L3MBTL1: variants seen among roughly 807,000 people sequenced by gnomAD.
L3MBTL1 encodes L3MBTL histone methyl-lysine binding protein 1.
Under a neutral mutation model 105.3 loss-of-function variants are expected in L3MBTL1, and 75 were observed. The ratio of observed to expected loss-of-function variants is 0.71; its 90% CI spans 0.59 to 0.86. The LOEUF (loss-of-function observed/expected upper bound fraction) is 0.86, where lower values mean the gene tolerates loss of function less well. L3MBTL1 is among the 40% of genes least tolerant of loss of function. The pLI, the probability that L3MBTL1 is intolerant of heterozygous loss-of-function variation, is 0.00. For synonymous variants in L3MBTL1, 452 were observed against 436.2 expected (o/e 1.04, Z -0.45); for missense variants, 1,069 against 1,126.4 (o/e 0.95, Z 0.73).
At chr20:43,536,362 G>A (rs777905577) in intron 18 of L3MBTL1, 47 bp from the exon 19 acceptor site, 2 of 1,613,400 alleles carry the variant, frequency 1.2e-6, no homozygotes, top group South Asian at 1.1e-5. Flanking sequence ...TCTTGGACTG[G>A]GCCAGACACT....
At chr20:43,544,648 C>A (rs937132772), downstream of L3MBTL1, among the ~76,000 whole-genome samples, 2 of 152,118 alleles carry the variant, frequency 1.3e-5, no homozygotes, top group Non-Finnish European at 2.9e-5. Flanking sequence ...GAACCATATA[C>A]CAGTGGGTTC....
At position 43,530,426 on chromosome 20, in the gene L3MBTL1, C is replaced by A; in HGVS notation, c.1192+7C>A. The A allele has an allele frequency of 6.2e-7, 1 of 1,613,430 alleles. No homozygotes were observed. Among genetic ancestry groups the A allele is most frequent in the Non-Finnish European group, 8.5e-7 (1 of 1,179,692 alleles). On this transcript the variant is annotated splice_region_variant and intron_variant, in intron 10 of 21. Transcript: ENST00000418998. ...AAGCTGCAGCCTCCCAAAGGTAAGG[C>A]CTAGCTGGGTTGGTCACAGTGAGGC...
chr20:43,517,059 A>G (rs2018435624), intron 7 of L3MBTL1, among the ~76,000 whole-genome samples: 1 of 147,718 alleles, frequency 6.8e-6, no homozygotes, highest in African/African-American at 2.5e-5. Context: ...GGCTTCCCAA[A>G]GTTCTGGGAT....
chr20:43,510,512 C>G (rs894351398), intron 1 of L3MBTL1, among the ~76,000 whole-genome samples: 3 of 149,112 alleles, frequency 2.0e-5, no homozygotes, highest in Non-Finnish European at 3.0e-5. Flanking sequence ...TCAAGCAATT[C>G]TCCTGCCTCA....
At chr20:43,520,843 G>T (rs1052588140) in intron 7 of L3MBTL1, among the ~76,000 whole-genome samples, 2 of 152,324 alleles carry the variant, frequency 1.3e-5, no homozygotes, top group African/African-American at 2.4e-5. Context: ...GGATCAGCAT[G>T]CTACTTAAAG....
chr20:43,515,834 CT>C, intron 6 of L3MBTL1: 1 of 493,558 alleles, frequency 2.0e-6, no homozygotes, highest in East Asian at 3.5e-5. Flanking sequence ...TTTTTGTGTA[CT>C]CAGTTTCTCT....
intron 1 of L3MBTL1, among the ~76,000 whole-genome samples, chr20:43,510,208 A>G (rs769867625): frequency 7.1e-4 from 108 of 152,056 alleles, no homozygotes; most frequent in Non-Finnish European, 1.3e-3. Context: ...CATGTTGCCC[A>G]GGCTGGTCTC....
downstream of L3MBTL1, among the ~76,000 whole-genome samples, chr20:43,545,585 G>A (rs1473011168): frequency 6.6e-6 from 1 of 152,184 alleles, no homozygotes; most frequent in Admixed American, 6.5e-5. Context: ...AGGTGCTGGA[G>A]AGAGAATAGA....
In L3MBTL1 at chr20:43,541,859, A is replaced by G; in HGVS notation, c.*731A>G. On this transcript the variant is annotated 3_prime_UTR_variant, in exon 22 of 22. Coordinates refer to ENST00000418998, the MANE Select transcript of L3MBTL1 (RefSeq NM_001377303.1). The stretch of plus-strand genomic sequence containing the variant: ...ACTTTACCTATACAAAATGACTGCT[A>G]TGGTGGGAACACAATAAACACCAGT... The G allele has an allele frequency of 1.0e-6, 1 of 985,438 alleles. No individual in the cohort carries two copies. The highest frequency in any genetic ancestry group is 1.7e-5 in the African/African-American group (1 of 57,370). The allele number at this position is 985,438 out of a possible 1,614,324, so 61.0% of individuals were successfully genotyped here.
chr20:43,514,791 C>T lies in L3MBTL1; in HGVS notation c.502+15C>T, dbSNP rs1382935762. On this transcript the variant is annotated intron_variant, in intron 4 of 21. Coordinates refer to ENST00000418998, the MANE Select transcript of L3MBTL1 (RefSeq NM_001377303.1). ...CCAACAGGCGGGTAGGAGCCCCGCT[C>T]CCCAGGCCCTGAGCTGGGCCCTGTG... 2.6e-6 allele frequency: 4 copies of T among 1,538,168 alleles called. No individual in the cohort carries two copies. The highest frequency in any genetic ancestry group is 1.2e-5 in the South Asian group (1 of 82,604).
chr20:43,508,854 T>C (rs949747160), intron 1 of L3MBTL1, among the ~76,000 whole-genome samples: 1 of 152,230 alleles, frequency 6.6e-6, no homozygotes, highest in Non-Finnish European at 1.5e-5. Flanking sequence ...GGAACTGAGA[T>C]GGCCCTGCAG....
In L3MBTL1 at chr20:43,515,108, G is replaced by C. The variant is rs898477599; in HGVS notation, c.602G>C (p.Gly201Ala). 2 of 1,614,052 alleles carry C rather than the reference G, an allele frequency of 1.2e-6. No individual in the cohort carries two copies. Among genetic ancestry groups the C allele is most frequent in the African/African-American group, 2.7e-5 (2 of 74,926 alleles). Reference sequence around the variant, plus strand: ...GCGTGCGGGCCTCACCAAGCCGCGGGTCCAGATCTTGGTTCCTCTAATGAT... The same window carrying C: ...GCGTGCGGGCCTCACCAAGCCGCGGCTCCAGATCTTGGTTCCTCTAATGAT... ...CQACGPHQAA[G>A]PDLGSSNDGC... Residue 201 changes from glycine to alanine, a missense_variant, in exon 5 of 22, where the codon GGT (glycine) becomes GCT (alanine). Transcript: ENST00000418998.
intron 7 of L3MBTL1, among the ~76,000 whole-genome samples, chr20:43,519,658 T>A (rs769329758): frequency 8.5e-5 from 13 of 152,214 alleles, no homozygotes; most frequent in Non-Finnish European, 1.6e-4. Flanking sequence ...AGAGATGAGG[T>A]CTTGCTGTAT....
chr20:43,523,992 C>CA (rs577732076), intron 7 of L3MBTL1, among the ~76,000 whole-genome samples: 25,257 of 82,718 alleles, frequency 0.31, 2,786 homozygotes, highest in Middle Eastern at 0.41. Context: ...GACTCCATCT[C>CA]AAAAAAAAAA....
rs749349611 is a variant in L3MBTL1, at chr20:43,536,440, C to T, written c.2155C>T (p.Pro719Ser). The T allele has an allele frequency of 6.5e-5, 105 of 1,613,910 alleles. No individual in the cohort carries two copies. Among genetic ancestry groups the T allele is most frequent in the Non-Finnish European group, 8.7e-5 (103 of 1,180,046 alleles). ...ACGCCCTCCGAAGTATCGAAAGATT[C>T]CGCAGGAAGATTTCCAGAGTAAGTC... ...IGRPPKYRKI[P>S]QEDFQTLTPD... is the part of the protein sequence containing the mutation. The change falls in exon 19 of 22, where the codon CCG becomes TCG. Residue 719 changes from proline to serine, a missense_variant. Pro to Ser is a moderately conservative substitution (Grantham distance 74, BLOSUM62 -1). Transcript: ENST00000418998.
At position 43,514,034 on chromosome 20, in the gene L3MBTL1, G is replaced by A. The variant is rs1451137084; in HGVS notation, c.333G>A (p.Ala111=). 3.3e-6 allele frequency: 5 copies of A among 1,536,134 alleles called. No homozygotes were observed. The highest frequency in any genetic ancestry group is 2.0e-5 in the Admixed American group (1 of 50,952). The part of the protein sequence containing the change: ...TVRLLEWTEA[A]APPPGGGLRF... Reference sequence around the variant, plus strand: ...GGCTTCTGGAATGGACAGAGGCCGCGGCCCCGCCCCCAGGGGGCGGCCTGC... The same window carrying A: ...GGCTTCTGGAATGGACAGAGGCCGCAGCCCCGCCCCCAGGGGGCGGCCTGC... The change falls in exon 3 of 22, where the codon GCG becomes GCA. Residue 111 remains alanine, a synonymous_variant. Transcript: ENST00000418998.
Position 43,540,995 on chromosome 20 carries a change from T to C in L3MBTL1, c.2456T>C (p.Leu819Pro). The change falls in exon 22 of 22, where the codon CTT (leucine) becomes CCT (proline). Residue 819 changes from leucine (L) to proline (P), a missense_variant. Physicochemically the swap from Leu to Pro is moderately conservative, Grantham distance 98 (BLOSUM62 -3). Transcript: ENST00000418998. ...ACTCTAGTCTGGACTGTGGCCCAGCTTGGGGACCTTGTGTGCTCAGATCAT... is the reference window on the plus strand; with the variant it reads ...ACTCTAGTCTGGACTGTGGCCCAGCCTGGGGACCTTGTGTGCTCAGATCAT... ...GKTLVWTVAQ[L>P]GDLVCSDHLQ... 2 of 1,614,164 alleles carry C rather than the reference T, an allele frequency of 1.2e-6. No individual in the cohort carries two copies. Among genetic ancestry groups the C allele is most frequent in the East Asian group, 2.2e-5 (1 of 44,860 alleles).
chr20:43,518,660 C>T (rs532329710), intron 7 of L3MBTL1, among the ~76,000 whole-genome samples: 31 of 151,952 alleles, frequency 2.0e-4, no homozygotes, highest in African/African-American at 7.2e-4. Context: ...TAGTACTGAA[C>T]CCTATGGATA....
rs1406503210 is a variant in L3MBTL1, at chr20:43,515,277, C to T, written c.654-15C>T. The stretch of plus-strand genomic sequence containing the variant: ...AGGGCGGGTGGTTCTTTCCCTAAGG[C>T]TGGCCCTTCCTCAGGTCAGTCATAG... On this transcript the variant is annotated splice_polypyrimidine_tract_variant and intron_variant, in intron 5 of 21. Transcript: ENST00000418998. 1 of 1,609,886 alleles carries T rather than the reference C, an allele frequency of 6.2e-7. No homozygotes were observed. Among genetic ancestry groups the T allele is most frequent in the East Asian group, 2.2e-5 (1 of 44,714 alleles).
Sources: allele counts gnomAD v4.1 joint callset (sites outside exome capture counted in the v4.1 genomes callset), GRCh38; gene constraint gnomAD v4.1.1; transcripts MANE v1.5; gene names NCBI Gene and HGNC (gene_info 2026-07-23, HGNC 2026-07-21).